EPC2: variants seen among roughly 807,000 people sequenced by gnomAD.
The protein encoded by EPC2 is enhancer of polycomb homolog 2.
EPC2 carries 14 observed loss-of-function variants against 92.1 expected under a neutral mutation model. The observed-to-expected ratio is 0.15, with a 90% CI of 0.10 to 0.24. The LOEUF (loss-of-function observed/expected upper bound fraction) is 0.24. Among genes scored for constraint, EPC2 ranks in the 10% least tolerant of loss-of-function variants. EPC2 has a pLI of 1.00. For missense variants in EPC2, 755 were observed against 971.5 expected (o/e 0.78, Z 2.96); for synonymous variants, 340 against 334.7 (o/e 1.02, Z -0.17).
chr2:148,720,738 T>G (rs892477612), intron 2 of EPC2, among the ~76,000 whole-genome samples: 1 of 152,150 alleles, frequency 6.6e-6, no homozygotes, highest in Non-Finnish European at 1.5e-5. Flanking sequence ...GGATGGGGGT[T>G]TCCTTGGCTT....
intron 10 of EPC2, among the ~76,000 whole-genome samples, chr2:148,775,774 TC>T (rs1683628497): frequency 3.0e-5 from 3 of 99,324 alleles, no homozygotes; most frequent in Admixed American, 1.1e-4. Context: ...CAATTTCTTT[TC>T]TTTTTTTTTT....
intron 10 of EPC2, among the ~76,000 whole-genome samples, chr2:148,780,352 C>A (rs1683722631): frequency 1.3e-5 from 2 of 152,078 alleles, no homozygotes; most frequent in Non-Finnish European, 2.9e-5. Context: ...GGCATAACTC[C>A]TTTTTCATAG....
At chr2:148,675,628 T>A (rs1486425770) in intron 1 of EPC2, among the ~76,000 whole-genome samples, 16 of 152,198 alleles carry the variant, frequency 1.1e-4, no homozygotes, top group Admixed American at 6.5e-5. Flanking sequence ...TGTTCATAAA[T>A]CCCTATCATC....
intron 3 of EPC2, among the ~76,000 whole-genome samples, chr2:148,752,265 T>C (rs1299248206): frequency 1.3e-5 from 2 of 152,194 alleles, no homozygotes; most frequent in African/African-American, 4.8e-5. Context: ...CTGAAGAACA[T>C]GTGACACATC....
intron 2 of EPC2, among the ~76,000 whole-genome samples, chr2:148,696,036 A>C (rs1261117245): frequency 6.6e-6 from 1 of 152,244 alleles, no homozygotes; most frequent in African/African-American, 2.4e-5. Context: ...CACTAGCTGC[A>C]ACCGTGTCCT....
chr2:148,745,579 C>A (rs1682971737), intron 3 of EPC2, among the ~76,000 whole-genome samples: 1 of 152,122 alleles, frequency 6.6e-6, no homozygotes. Context: ...AGCTTCTAGG[C>A]TGTGAAACAA....
chr2:148,647,709 T>G (rs148450118), intron 1 of EPC2, among the ~76,000 whole-genome samples: 2,401 of 144,248 alleles, frequency 0.017, 74 homozygotes, highest in African/African-American at 0.058. Flanking sequence ...CTCAGCTCAC[T>G]GCAACCTTCG....
At chr2:148,730,496 A>C (rs1034524096) in intron 2 of EPC2, among the ~76,000 whole-genome samples, 1 of 152,200 alleles carries the variant, frequency 6.6e-6, no homozygotes, top group African/African-American at 2.4e-5. Flanking sequence ...GTCCAACATC[A>C]CTTGGGAACA....
At position 148,767,000 on chromosome 2, in the gene EPC2, A is replaced by G. The variant is rs564365778; in HGVS notation, c.1140+1854A>G. ...GGACTTGGAGACCAGCCTGGGCAAC[A>G]TGGTGAAACCCCATCTTTACCGAAA... is the stretch of plus-strand genomic sequence containing the variant. On this transcript the variant is annotated intron_variant, in intron 7 of 13. Transcript: ENST00000258484. Among the ~76,000 whole-genome samples, 12 of 152,218 alleles carry G rather than the reference A, an allele frequency of 7.9e-5. No individual in the cohort carries two copies. The East Asian group carries it at 2.3e-3, about 29-fold the overall frequency.
intron 13 of EPC2, 124 bp downstream of exon 13, chr2:148,785,125 A>C: frequency 1.3e-6 from 1 of 779,714 alleles, no homozygotes; most frequent in Middle Eastern, 2.8e-4. Context: ...TTCAATAGAT[A>C]CTGAAGATCT....
chr2:148,739,735 C>T (rs947358099), intron 2 of EPC2, among the ~76,000 whole-genome samples: 1 of 151,882 alleles, frequency 6.6e-6, no homozygotes, highest in Admixed American at 6.6e-5. Context: ...TTCTCATCTA[C>T]TTTCCTTCCT....
At position 148,784,847 on chromosome 2, in the gene EPC2, C is replaced by A. The variant is rs545660828; in HGVS notation, c.2197C>A (p.Leu733Ile). The stretch of plus-strand genomic sequence containing the variant: ...TTCCTGCCTGACAAATGCAGTGCAC[C>A]TCAATAATGTCAGTGTTGTTTCTCC... The part of the protein sequence containing the change: ...NNSCLTNAVH[L>I]NNVSVVSPVN... The change falls in exon 13 of 14, where the codon CTC (leucine) becomes ATC (isoleucine). Residue 733 changes from leucine to isoleucine, a missense_variant. Coordinates refer to ENST00000258484, the MANE Select transcript of EPC2 (RefSeq NM_015630.4). 1 of 1,613,760 alleles carries A rather than the reference C, an allele frequency of 6.2e-7. No homozygotes were observed. Among genetic ancestry groups the A allele is most frequent in the African/African-American group, 1.3e-5 (1 of 75,026 alleles).
intron 2 of EPC2, among the ~76,000 whole-genome samples, chr2:148,743,155 A>G (rs1211498439): frequency 2.0e-5 from 3 of 152,018 alleles, no homozygotes; most frequent in Non-Finnish European, 4.4e-5. Flanking sequence ...GTAGGGTAGG[A>G]ATTCAGCTTA....
At chr2:148,738,685 AGAGT>A (rs1197932322) in intron 2 of EPC2, among the ~76,000 whole-genome samples, 1 of 152,212 alleles carries the variant, frequency 6.6e-6, no homozygotes, top group African/African-American at 2.4e-5. Context: ...TTTTGGAGTC[AGAGT>A]AAGTGTAGCC....
At chr2:148,702,900 C>T (rs1488820474) in intron 2 of EPC2, among the ~76,000 whole-genome samples, 1 of 151,932 alleles carries the variant, frequency 6.6e-6, no homozygotes, top group Non-Finnish European at 1.5e-5. Flanking sequence ...CAAGACAATT[C>T]TTCTTCTTCC....
At chr2:148,707,870 C>T (rs914873555) in intron 2 of EPC2, among the ~76,000 whole-genome samples, 3 of 152,142 alleles carry the variant, frequency 2.0e-5, no homozygotes, top group South Asian at 2.1e-4. Context: ...AAATTTGTAG[C>T]GCTAAACACC....
chr2:148,686,666 T>C (rs1419361928), intron 1 of EPC2, among the ~76,000 whole-genome samples: 1 of 152,244 alleles, frequency 6.6e-6, no homozygotes, highest in Non-Finnish European at 1.5e-5. Flanking sequence ...GCAGAATGAA[T>C]GTTGTCTTAG....
intron 1 of EPC2, among the ~76,000 whole-genome samples, chr2:148,664,566 A>G (rs1455570768): frequency 6.6e-6 from 1 of 152,210 alleles, no homozygotes; most frequent in Admixed American, 6.5e-5. Context: ...CAAGTGTGCA[A>G]TTTGTTGTGT....
Position 148,775,922 on chromosome 2 carries a change from T to C in EPC2, c.1720+4535T>C, listed in dbSNP as rs183241578. On this transcript the variant is annotated intron_variant, in intron 10 of 13. Coordinates refer to ENST00000258484, the MANE Select transcript of EPC2 (RefSeq NM_015630.4). The stretch of plus-strand genomic sequence containing the variant: ...CCTCCCAAGTAGCTGGGACTACAGG[T>C]GCCCACCACCACACCTGCCTAATTG... Among the ~76,000 whole-genome samples, 19 of 151,432 alleles carry C rather than the reference T, an allele frequency of 1.3e-4. No homozygotes were observed. The East Asian group carries it at 2.7e-3, about 22-fold the overall frequency.
Sources: gnomAD v4.1 joint callset for allele counts (sites outside exome capture counted in the v4.1 genomes callset) on GRCh38, gnomAD v4.1.1 for gene constraint, MANE v1.5 for transcripts, NCBI Gene and HGNC (gene_info 2026-07-23, HGNC 2026-07-21) for gene names.